The following GALNT17 variants were observed in gnomAD, a reference collection of about 807,000 sequenced individuals.
GALNT17 encodes polypeptide N-acetylgalactosaminyltransferase 17.
Under a neutral mutation model 63.7 loss-of-function variants are expected in GALNT17, and 29 were observed. The observed-to-expected ratio is 0.46, with a 90% CI of 0.34 to 0.62. The LOEUF is 0.62. Ranked by LOEUF, GALNT17 falls within the 20% of genes least tolerant of loss-of-function variation. GALNT17 has a pLI of 0.01. For synonymous variants in GALNT17, 305 were observed against 318.3 expected, an observed-to-expected ratio of 0.96 and a Z score of 0.45; for missense variants, 603 against 799.6, an observed-to-expected ratio of 0.75 and a Z score of 2.97.
chr7:71,142,604 A>G (rs1318663533), intron 1 of GALNT17, among the ~76,000 whole-genome samples: 7 of 152,234 alleles, frequency 4.6e-5, no homozygotes, highest in Admixed American at 2.0e-4. Flanking sequence ...AATAGTGGGA[A>G]GATATCTTTG....
chr7:71,153,643 C>G (rs1233132918), intron 1 of GALNT17, among the ~76,000 whole-genome samples: 2 of 152,076 alleles, frequency 1.3e-5, no homozygotes, highest in African/African-American at 4.8e-5. Flanking sequence ...GGCCAGGAGT[C>G]GTAATCCCTG....
chr7:71,178,546 C>A (rs747978206), intron 1 of GALNT17, among the ~76,000 whole-genome samples: 5 of 152,022 alleles, frequency 3.3e-5, no homozygotes, highest in Admixed American at 3.3e-4. Flanking sequence ...TGATATTGTC[C>A]CACAGGTCTG....
intron 2 of GALNT17, among the ~76,000 whole-genome samples, chr7:71,355,436 C>T (rs1269141586): frequency 6.6e-6 from 1 of 152,124 alleles, no homozygotes; most frequent in Non-Finnish European, 1.5e-5. Flanking sequence ...TTTACCTTGT[C>T]ACTCAAGACA....
At chr7:71,165,701 C>A (rs1043917653) in intron 1 of GALNT17, among the ~76,000 whole-genome samples, 6 of 152,180 alleles carry the variant, frequency 3.9e-5, no homozygotes, top group Admixed American at 3.9e-4. Context: ...TTCGTTTTGA[C>A]CCTTAAAACG....
intron 1 of GALNT17, among the ~76,000 whole-genome samples, chr7:71,316,716 A>C (rs1791507451): frequency 6.6e-6 from 1 of 152,138 alleles, no homozygotes; most frequent in South Asian, 2.1e-4. Flanking sequence ...CTGGGCTAAG[A>C]GGTGCACACC....
chr7:71,193,454 CTTTT>C (rs1159902249), intron 1 of GALNT17, among the ~76,000 whole-genome samples: 8 of 107,304 alleles, frequency 7.5e-5, no homozygotes, highest in African/African-American at 1.1e-4. Flanking sequence ...ACGCTTTTGT[CTTTT>C]TTTTTTTTTT....
At chr7:71,173,707 A>G (rs1289999421) in intron 1 of GALNT17, among the ~76,000 whole-genome samples, 1 of 152,188 alleles carries the variant, frequency 6.6e-6, no homozygotes, top group Non-Finnish European at 1.5e-5. Context: ...TGGGAGGCGG[A>G]GGTTGCAGTG....
At chr7:71,623,227 T>C (rs1157936507) in intron 6 of GALNT17, among the ~76,000 whole-genome samples, 1 of 152,128 alleles carries the variant, frequency 6.6e-6, no homozygotes, top group Non-Finnish European at 1.5e-5. Flanking sequence ...AGTTACTTAA[T>C]CTCTCTGTGC....
chr7:71,446,289 A>G (rs1453707639), intron 5 of GALNT17, among the ~76,000 whole-genome samples: 1 of 152,192 alleles, frequency 6.6e-6, no homozygotes, highest in Non-Finnish European at 1.5e-5. Flanking sequence ...TTTATACTGT[A>G]TCCATTATAA....
intron 1 of GALNT17, among the ~76,000 whole-genome samples, chr7:71,265,250 C>CCAAGTAA (rs1238765050): frequency 6.7e-6 from 1 of 149,164 alleles, no homozygotes; most frequent in Non-Finnish European, 1.5e-5. Flanking sequence ...CCTCAGCCTC[C>CCAAGTAA]CAAGTAACTG....
intron 2 of GALNT17, among the ~76,000 whole-genome samples, chr7:71,384,733 A>G (rs1563053569): frequency 6.6e-6 from 1 of 152,094 alleles, no homozygotes; most frequent in Admixed American, 6.6e-5. Flanking sequence ...TTACTGTGTA[A>G]TCTCTAAAGC....
In GALNT17 at chr7:71,132,705, C is replaced by A; in HGVS notation, c.-98C>A. ...AGCAGGGGCTTGGATCCCTGCCGGC[C>A]GTCTGGTGTGTGAGGCTTGCACGGC... On this transcript the variant is annotated 5_prime_UTR_variant, in exon 1 of 11. Transcript: ENST00000333538. 3 of 1,016,924 alleles carry A rather than the reference C, an allele frequency of 3.0e-6. No homozygotes were observed. The highest frequency in any genetic ancestry group is 1.4e-6 in the Non-Finnish European group (1 of 709,958). The allele number at this position is 1,016,924 out of a possible 1,614,324, so 63.0% of individuals were successfully genotyped here.
chr7:71,567,321 A>G (rs1362364009), intron 5 of GALNT17, among the ~76,000 whole-genome samples: 2 of 152,226 alleles, frequency 1.3e-5, no homozygotes, highest in Non-Finnish European at 2.9e-5. Context: ...TGTGATTGGC[A>G]TGCGATTTCT....
At chr7:71,594,514 T>G (rs1244444968) in intron 6 of GALNT17, among the ~76,000 whole-genome samples, 3 of 152,124 alleles carry the variant, frequency 2.0e-5, no homozygotes, top group Non-Finnish European at 4.4e-5. Flanking sequence ...GGTCTGGAAC[T>G]CCTGAGCTCA....
chr7:71,382,465 G>T (rs1283972859), intron 2 of GALNT17, among the ~76,000 whole-genome samples: 1 of 152,198 alleles, frequency 6.6e-6, no homozygotes, highest in African/African-American at 2.4e-5. Context: ...GGACTACGAG[G>T]CTGGAGAACT....
intron 2 of GALNT17, among the ~76,000 whole-genome samples, chr7:71,354,010 A>AAG (rs1173499412): frequency 2.0e-5 from 3 of 150,452 alleles, no homozygotes; most frequent in African/African-American, 7.2e-5. Context: ...GAGCAGGATC[A>AAG]AGAGAGAGAG....
chr7:71,261,412 ACT>A (rs1790383417), intron 1 of GALNT17, among the ~76,000 whole-genome samples: 1 of 143,390 alleles, frequency 7.0e-6, no homozygotes, highest in South Asian at 2.4e-4. Flanking sequence ...CAGCAGAATA[ACT>A]AAAGCAAAGG....
chr7:71,313,903 T>A (rs1791455189), intron 1 of GALNT17, among the ~76,000 whole-genome samples: 1 of 152,172 alleles, frequency 6.6e-6, no homozygotes, highest in South Asian at 2.1e-4. Flanking sequence ...GCTGCAGTTG[T>A]TAGCCTTGGG....
intron 6 of GALNT17, among the ~76,000 whole-genome samples, chr7:71,621,497 GGATA>G (rs1309964282): frequency 8.6e-4 from 110 of 127,634 alleles, no homozygotes; most frequent in African/African-American, 3.0e-3. Flanking sequence ...ATGGATTGAT[GGATA>G]GATGGATGGA....
Sources: allele counts gnomAD v4.1 joint callset (sites outside exome capture counted in the v4.1 genomes callset), GRCh38; gene constraint gnomAD v4.1.1; transcripts MANE v1.5; gene names NCBI Gene and HGNC (gene_info 2026-07-23, HGNC 2026-07-21).